The following ERG variants were observed in gnomAD, a reference collection of about 807,000 sequenced individuals.
ERG encodes transcriptional regulator ERG.
ERG carries 9 observed loss-of-function variants against 55.3 expected under a neutral mutation model. The ratio of observed to expected loss-of-function variants is 0.16; its 90% CI spans 0.10 to 0.28. The LOEUF is 0.28. Among genes scored for constraint, ERG ranks in the 10% least tolerant of loss-of-function variants. The pLI is 1.00. For missense variants in ERG, 434 were observed against 631.6 expected (o/e 0.69, Z 3.35); for synonymous variants, 223 against 237.3 (o/e 0.94, Z 0.55).
chr21:38,553,057 G>C (rs912401563), intron 2 of ERG, among the ~76,000 whole-genome samples: 4 of 152,048 alleles, frequency 2.6e-5, no homozygotes, highest in Non-Finnish European at 5.9e-5. Flanking sequence ...TGTCCAAGCT[G>C]AGAGCCATAT....
chr21:38,406,332 T>C (rs1466776893), intron 3 of ERG, among the ~76,000 whole-genome samples: 2 of 152,154 alleles, frequency 1.3e-5, no homozygotes, highest in African/African-American at 4.8e-5. Context: ...GAAAACTGAA[T>C]GTAGATATGG....
chr21:38,439,162 C>T (rs992860145), intron 2 of ERG, among the ~76,000 whole-genome samples: 3 of 152,166 alleles, frequency 2.0e-5, no homozygotes, highest in Non-Finnish European at 4.4e-5. Context: ...AAATCGCCAT[C>T]GCCTGTGGAA....
intron 3 of ERG, among the ~76,000 whole-genome samples, chr21:38,407,919 AT>A (rs11327392): frequency 0.13 from 19,891 of 148,536 alleles, 1,373 homozygotes; most frequent in African/African-American, 0.16. Flanking sequence ...TATATGCTAT[AT>A]ATACTACCTA....
At chr21:38,453,053 A>G (rs1273331779) in intron 1 of ERG, among the ~76,000 whole-genome samples, 2 of 152,224 alleles carry the variant, frequency 1.3e-5, no homozygotes, top group African/African-American at 4.8e-5. Context: ...AAATGAAGAG[A>G]CGTGTTTTTG....
In ERG at chr21:38,380,569, A is replaced by C. The variant is rs2146404729; in HGVS notation, c.*2834T>G. The C allele has an allele frequency of 9.4e-7, 1 of 1,065,890 alleles. No homozygotes were observed. Among genetic ancestry groups the C allele is most frequent in the South Asian group, 4.5e-5 (1 of 21,986 alleles). The allele number at this position is 1,065,890 out of a possible 1,614,324, so 66.0% of individuals were successfully genotyped here. ...CAAGCCAAGAGACAGGGACAAACAG[A>C]GAGAAAAGGTTCATGCAATTATGAA... On this transcript the variant is annotated 3_prime_UTR_variant, in exon 10 of 10. Coordinates refer to ENST00000288319, the MANE Select transcript of ERG (RefSeq NM_182918.4).
chr21:38,656,022 G>GC lies in ERG; in HGVS notation c.-150+5635dup, dbSNP rs1023586646. On this transcript the variant is annotated intron_variant, in intron 1 of 10. Coordinates refer to the ERG transcript ENST00000398910. ...CTCTCCCTCCCCTACTCTTCACCGC[G>GC]CCCCCCGCCAACCCACACGTGATGA... Among the ~76,000 whole-genome samples the GC allele has an allele frequency of 7.9e-5, 12 of 152,056 alleles. No homozygotes were observed. In the East Asian group the frequency reaches 2.1e-3, roughly 27 times the overall value.
chr21:38,520,847 A>G (rs2059589183), intron 2 of ERG, among the ~76,000 whole-genome samples: 1 of 152,220 alleles, frequency 6.6e-6, no homozygotes, highest in Non-Finnish European at 1.5e-5. Flanking sequence ...AGAAGACTTG[A>G]AGAATACAAG....
rs535501251 is a variant in ERG, at chr21:38,439,538, G to A, written c.236+5866C>T. 2.0e-4 allele frequency among the ~76,000 whole-genome samples: 30 copies of A among 152,306 alleles called. No homozygotes were observed. In the East Asian group the frequency reaches 2.5e-3, roughly 13 times the overall value. On this transcript the variant is annotated intron_variant, in intron 2 of 9. Coordinates refer to ENST00000288319, the MANE Select transcript of ERG (RefSeq NM_182918.4). ...GTGAACACTTGGGGCTTTCTGGTGC[G>A]TGAGGCTAGAGTGAAGAAAGGGAGA...
the ERG span, among the ~76,000 whole-genome samples, chr21:38,372,905 T>G: frequency 6.6e-6 from 1 of 152,310 alleles, no homozygotes; most frequent in African/African-American, 2.4e-5. Context: ...AGAAATTATT[T>G]TCTTCTTGTT....
intron 2 of ERG, among the ~76,000 whole-genome samples, chr21:38,522,861 C>T (rs748452624): frequency 2.6e-5 from 4 of 152,154 alleles, no homozygotes; most frequent in South Asian, 2.1e-4. Flanking sequence ...AGCTGAACAA[C>T]GACGTTGCTC....
At chr21:38,626,586 T>C (rs894706045) in intron 1 of ERG, among the ~76,000 whole-genome samples, 1 of 152,160 alleles carries the variant, frequency 6.6e-6, no homozygotes, top group Non-Finnish European at 1.5e-5. Context: ...AATCAAATTA[T>C]ATGAAAATCT....
intron 2 of ERG, among the ~76,000 whole-genome samples, chr21:38,527,346 T>C (rs1453802038): frequency 6.6e-6 from 1 of 152,242 alleles, no homozygotes; most frequent in African/African-American, 2.4e-5. Context: ...TGCTACGTCC[T>C]GGACCTGTGG....
Position 38,382,490 on chromosome 21 carries a change from G to A in ERG, c.*913C>T, listed in dbSNP as rs1969072562. On this transcript the variant is annotated 3_prime_UTR_variant, in exon 10 of 10. Coordinates refer to ENST00000288319, the MANE Select transcript of ERG (RefSeq NM_182918.4). ...AACAAAGAAAGAGATGCGCATTTTT[G>A]TTTCTGAATTCTACTACTTCCCCTT... is the stretch of plus-strand genomic sequence containing the variant. The A allele has an allele frequency of 9.4e-7, 1 of 1,064,432 alleles. No homozygotes were observed. The highest frequency in any genetic ancestry group is 1.6e-5 in the African/African-American group (1 of 61,002). The allele number at this position is 1,064,432 out of a possible 1,614,324, so 65.9% of individuals were successfully genotyped here.
chr21:38,493,662 C>G (rs977047776), intron 1 of ERG, among the ~76,000 whole-genome samples: 3 of 152,224 alleles, frequency 2.0e-5, no homozygotes, highest in Non-Finnish European at 4.4e-5. Context: ...TGCCCTCCTC[C>G]AGCAGCCTCG....
At chr21:38,497,932 T>C (rs1234506583) in intron 1 of ERG, among the ~76,000 whole-genome samples, 1 of 152,192 alleles carries the variant, frequency 6.6e-6, no homozygotes, top group Non-Finnish European at 1.5e-5. Flanking sequence ...CTGGCATCCC[T>C]GATGCTAAGG....
intron 1 of ERG, among the ~76,000 whole-genome samples, chr21:38,612,477 A>T (rs1443718929): frequency 6.6e-6 from 1 of 152,166 alleles, no homozygotes; most frequent in Non-Finnish European, 1.5e-5. Flanking sequence ...TGTGTGATCA[A>T]CAAATTTATT....
Position 38,535,020 on chromosome 21 carries a change from G to A in ERG, c.-41+40642C>T, listed in dbSNP as rs573876976. On this transcript the variant is annotated intron_variant, in intron 2 of 8. Coordinates refer to the ERG transcript ENST00000398897. ...GTGCAGGTGTGTTACATAGGTAAACGTGTGCCATGGTGGTTTGCTGCACCT... is the reference window on the plus strand; with the variant it reads ...GTGCAGGTGTGTTACATAGGTAAACATGTGCCATGGTGGTTTGCTGCACCT... Among the ~76,000 whole-genome samples the A allele has an allele frequency of 3.9e-5, 6 of 152,014 alleles. No individual in the cohort carries two copies. In the South Asian group the frequency reaches 1.0e-3, roughly 26 times the overall value.
chr21:38,432,197 C>T lies in ERG; in HGVS notation c.237-8636G>A, dbSNP rs914789789. On this transcript the variant is annotated intron_variant, in intron 2 of 9. Transcript: ENST00000288319. The stretch of plus-strand genomic sequence containing the variant: ...GCAGTCTCAAACTCCTGGGCTCAAG[C>T]GATCCTCTTGCCTCAGCCTCCCAAG... Among the ~76,000 whole-genome samples, 3 of 152,096 alleles carry T rather than the reference C, an allele frequency of 2.0e-5. No homozygotes were observed. The South Asian group carries it at 6.2e-4, about 32-fold the overall frequency.
At chr21:38,597,472 T>TACACAC (rs3065420) in intron 1 of ERG, among the ~76,000 whole-genome samples, 53,677 of 148,094 alleles carry the variant, frequency 0.36, 10,240 homozygotes, top group Middle Eastern at 0.52. Context: ...TATATATATC[T>TACACAC]ACACACACAC....
Sources: allele counts gnomAD v4.1 joint callset (sites outside exome capture counted in the v4.1 genomes callset), GRCh38; gene constraint gnomAD v4.1.1; transcripts MANE v1.5; gene names NCBI Gene and HGNC (gene_info 2026-07-23, HGNC 2026-07-21).